The following ULK4 variants were observed in gnomAD, a reference collection of about 807,000 sequenced individuals.
The protein encoded by ULK4 is unc-51 like kinase 4.
Under a neutral mutation model 160.6 loss-of-function variants are expected in ULK4, and 133 were observed. The observed-to-expected ratio is 0.83, with a 90% CI of 0.72 to 0.96. ULK4 has a LOEUF of 0.96. Among genes scored for constraint, ULK4 ranks in the 40% least tolerant of loss-of-function variants. ULK4 has a pLI of 0.00. For missense variants in ULK4, 1,580 were observed against 1,499.5 expected (o/e 1.05, Z -0.89); for synonymous variants, 534 against 539.8 (o/e 0.99, Z 0.15).
intron 20 of ULK4, 147 bp downstream of exon 20, chr3:41,799,985 G>A (rs760371029): frequency 1.7e-5 from 14 of 844,042 alleles, no homozygotes; most frequent in Non-Finnish European, 2.3e-5. Flanking sequence ...TTCTCTTTTA[G>A]AAGAAAATCA....
intron 35 of ULK4, among the ~76,000 whole-genome samples, chr3:41,378,853 C>T (rs1355254989): frequency 2.0e-5 from 3 of 151,630 alleles, no homozygotes; most frequent in East Asian, 1.9e-4. Flanking sequence ...GGCACATTTA[C>T]ACCATGGAAT....
chr3:41,846,177 A>T (rs2042064774), intron 17 of ULK4, among the ~76,000 whole-genome samples: 2 of 152,218 alleles, frequency 1.3e-5, no homozygotes, highest in African/African-American at 4.8e-5. Context: ...ATAGCATTAA[A>T]AAGTACTCAA....
intron 35 of ULK4, among the ~76,000 whole-genome samples, chr3:41,352,740 C>A (rs763807431): frequency 3.3e-5 from 5 of 152,126 alleles, no homozygotes; most frequent in Non-Finnish European, 5.9e-5. Flanking sequence ...CCTTGGACTA[C>A]GTTCCCAGCC....
chr3:41,834,731 G>A (rs1487316680), intron 18 of ULK4, among the ~76,000 whole-genome samples: 2 of 152,164 alleles, frequency 1.3e-5, no homozygotes, highest in Non-Finnish European at 2.9e-5. Flanking sequence ...TTGAGCAAGT[G>A]CTAGAACCAA....
At chr3:41,491,139 G>A (rs989410779) in intron 32 of ULK4, among the ~76,000 whole-genome samples, 3 of 152,180 alleles carry the variant, frequency 2.0e-5, no homozygotes, top group African/African-American at 7.2e-5. Context: ...GAGGGACACA[G>A]AGGCAGACGG....
chr3:41,781,058 C>T (rs2039823794), intron 21 of ULK4, among the ~76,000 whole-genome samples: 2 of 151,918 alleles, frequency 1.3e-5, no homozygotes, highest in Non-Finnish European at 2.9e-5. Context: ...TATATTTATA[C>T]AAATACATAC....
At chr3:41,609,717 A>ATC (rs2032571518) in intron 31 of ULK4, among the ~76,000 whole-genome samples, 1 of 152,176 alleles carries the variant, frequency 6.6e-6, no homozygotes, top group African/African-American at 2.4e-5. Context: ...TACATCTGTA[A>ATC]TCCCAACACT....
Position 41,269,841 on chromosome 3 carries a change from A to G in ULK4, c.3679-20267T>C, listed in dbSNP as rs1575377568. On this transcript the variant is annotated intron_variant, in intron 35 of 36. Coordinates refer to ENST00000301831, the MANE Select transcript of ULK4 (RefSeq NM_017886.4). ...AAAGTACTTGCACATGACTAATTAA[A>G]GAGATGCTGGGGAAAATCCTTAACT... Among the ~76,000 whole-genome samples, 3 of 152,332 alleles carry G rather than the reference A, an allele frequency of 2.0e-5. No homozygotes were observed. The Middle Eastern group carries it at 0.01, about 518-fold the overall frequency.
At chr3:41,861,967 A>G (rs1483028765) in intron 17 of ULK4, among the ~76,000 whole-genome samples, 2 of 151,924 alleles carry the variant, frequency 1.3e-5, no homozygotes, top group East Asian at 3.9e-4. Context: ...TCACACTATC[A>G]CACCCAGCTA....
intron 17 of ULK4, among the ~76,000 whole-genome samples, chr3:41,850,015 A>T (rs562971254): frequency 6.6e-6 from 1 of 152,006 alleles, no homozygotes; most frequent in East Asian, 1.9e-4. Flanking sequence ...CCTGTGCCCA[A>T]GTGTCCTCAT....
At chr3:41,869,619 T>C (rs980716534) in intron 17 of ULK4, among the ~76,000 whole-genome samples, 12 of 152,138 alleles carry the variant, frequency 7.9e-5, no homozygotes, top group African/African-American at 2.9e-4. Flanking sequence ...TAAAACATAA[T>C]ATACACATAA....
rs959897789 is a variant in ULK4 at position 41,347,081 on chromosome 3, A to G, written c.3678+50998T>C. Reference sequence around the variant, plus strand: ...GGAACAAATATTCAGGAAAAAAAAAACCCACATAGGATTCATAAGTAAAGA... The same window carrying G: ...GGAACAAATATTCAGGAAAAAAAAAGCCCACATAGGATTCATAAGTAAAGA... On this transcript the variant is annotated intron_variant, in intron 35 of 36. Coordinates refer to ENST00000301831, the MANE Select transcript of ULK4 (RefSeq NM_017886.4). Among the ~76,000 whole-genome samples the G allele has an allele frequency of 9.3e-5, 14 of 150,846 alleles. No individual in the cohort carries two copies. In the South Asian group the frequency reaches 3.0e-3, roughly 32 times the overall value.
intron 32 of ULK4, among the ~76,000 whole-genome samples, chr3:41,494,609 G>T (rs1040158904): frequency 1.3e-5 from 2 of 152,220 alleles, no homozygotes; most frequent in African/African-American, 4.8e-5. Context: ...GAAATAAAGG[G>T]CATTCAATTA....
intron 34 of ULK4, among the ~76,000 whole-genome samples, chr3:41,426,927 T>C (rs1171070109): frequency 6.6e-6 from 1 of 152,010 alleles, no homozygotes; most frequent in Non-Finnish European, 1.5e-5. Flanking sequence ...AGAGTGGAAC[T>C]GAAGGAGACA....
intron 1 of ULK4, among the ~76,000 whole-genome samples, chr3:41,961,650 G>A (rs1334343142): frequency 6.6e-6 from 1 of 151,182 alleles, no homozygotes; most frequent in Admixed American, 6.6e-5. Context: ...CCGCGAGACC[G>A]GCTGGGAGCC....
intron 22 of ULK4, among the ~76,000 whole-genome samples, chr3:41,748,599 T>G (rs1321450174): frequency 6.6e-6 from 1 of 152,190 alleles, no homozygotes; most frequent in African/African-American, 2.4e-5. Flanking sequence ...ACATGGTTCT[T>G]AAGTCTAGAC....
At chr3:41,947,362 TGAG>T (rs1700144084) in intron 2 of ULK4, among the ~76,000 whole-genome samples, 1 of 152,114 alleles carries the variant, frequency 6.6e-6, no homozygotes, top group Non-Finnish European at 1.5e-5. Context: ...GGGAAAGTAC[TGAG>T]GAGGACTGTC....
At chr3:41,316,818 A>G (rs2080150822) in intron 35 of ULK4, among the ~76,000 whole-genome samples, 1 of 152,182 alleles carries the variant, frequency 6.6e-6, no homozygotes, top group Non-Finnish European at 1.5e-5. Flanking sequence ...CGCCTTTTTT[A>G]GTTGGTTCAC....
At chr3:41,881,284 T>TAAAAAAAAAAAAA (rs58977381) in intron 17 of ULK4, among the ~76,000 whole-genome samples, 4 of 126,280 alleles carry the variant, frequency 3.2e-5, no homozygotes, top group African/African-American at 1.5e-4. Context: ...CAGAAACTTC[T>TAAAAAAAAAAAAA]AAAAAAAAAA....
Sources: allele counts gnomAD v4.1 joint callset (sites outside exome capture counted in the v4.1 genomes callset), GRCh38; gene constraint gnomAD v4.1.1; transcripts MANE v1.5; gene names NCBI Gene and HGNC (gene_info 2026-07-23, HGNC 2026-07-21).